The following CTNND2 variants were observed in gnomAD, a reference collection of about 807,000 sequenced individuals.
CTNND2 encodes the protein catenin delta 2, also known as catenin delta-2.
Under a neutral mutation model 144.4 loss-of-function variants are expected in CTNND2, and 22 were observed. The ratio of observed to expected loss-of-function variants is 0.15; its 90% CI spans 0.11 to 0.22. The LOEUF (loss-of-function observed/expected upper bound fraction) is 0.22, where lower values mean the gene tolerates loss of function less well. Ranked by LOEUF, CTNND2 falls within the 10% of genes least tolerant of loss-of-function variation. CTNND2 has a pLI of 1.00. For missense variants in CTNND2, 1,353 were observed against 1,618.8 expected (o/e 0.84, Z 2.82); for synonymous variants, 751 against 695.6 (o/e 1.08, Z -1.25).
intron 9 of CTNND2, among the ~76,000 whole-genome samples, chr5:11,243,120 A>G (rs998595896): frequency 6.6e-6 from 1 of 152,252 alleles, no homozygotes; most frequent in African/African-American, 2.4e-5. Flanking sequence ...TTATTTGAAG[A>G]ACTCTTAGTG....
chr5:11,758,538 T>A (rs558595658), intron 1 of CTNND2, among the ~76,000 whole-genome samples: 1 of 152,132 alleles, frequency 6.6e-6, no homozygotes, highest in African/African-American at 2.4e-5. Context: ...CATCATATAG[T>A]ACCTTTTTAA....
chr5:11,902,012 A>G (rs144242263), intron 1 of CTNND2, among the ~76,000 whole-genome samples: 85 of 152,342 alleles, frequency 5.6e-4, no homozygotes, highest in African/African-American at 1.9e-3. Context: ...AATAAGGTGA[A>G]ACTAAAGCAA....
intron 16 of CTNND2, among the ~76,000 whole-genome samples, chr5:11,053,190 C>T (rs1284963723): frequency 6.6e-6 from 1 of 152,192 alleles, no homozygotes; most frequent in South Asian, 2.1e-4. Flanking sequence ...GTGCTTTTCT[C>T]TTTTCTTTTC....
chr5:11,312,816 T>C lies in CTNND2; in HGVS notation c.1628+33556A>G, dbSNP rs541835193. On this transcript the variant is annotated intron_variant, in intron 9 of 21. Transcript: ENST00000304623. The stretch of plus-strand genomic sequence containing the variant: ...AGCCAGCCATACGTCCCTGGACAAC[T>C]TGTCCTTTTCACATATCTGTATATT... 2.0e-5 allele frequency among the ~76,000 whole-genome samples: 3 copies of C among 149,284 alleles called. No homozygotes were observed. In the South Asian group the frequency reaches 6.4e-4, roughly 32 times the overall value.
At chr5:11,692,138 C>T (rs1453496979) in intron 2 of CTNND2, among the ~76,000 whole-genome samples, 1 of 152,200 alleles carries the variant, frequency 6.6e-6, no homozygotes, top group African/African-American at 2.4e-5. Flanking sequence ...CACTATTTTG[C>T]AGCAGCTGCA....
intron 3 of CTNND2, among the ~76,000 whole-genome samples, chr5:11,438,635 T>C (rs944113283): frequency 1.3e-5 from 2 of 152,260 alleles, no homozygotes; most frequent in African/African-American, 4.8e-5. Flanking sequence ...TTAATCTTCA[T>C]GATCTACAGT....
At chr5:11,816,024 T>C (rs1009447613) in intron 1 of CTNND2, among the ~76,000 whole-genome samples, 2 of 151,876 alleles carry the variant, frequency 1.3e-5, no homozygotes, top group African/African-American at 2.4e-5. Flanking sequence ...AGCCCACGAG[T>C]GTACCCTGGT....
Position 11,878,578 on chromosome 5 carries a change from C to T in CTNND2, c.37+25239G>A, listed in dbSNP as rs146247519. 3.3e-5 allele frequency among the ~76,000 whole-genome samples: 5 copies of T among 152,352 alleles called. No individual in the cohort carries two copies. The East Asian group carries it at 9.6e-4, about 29-fold the overall frequency. On this transcript the variant is annotated intron_variant, in intron 1 of 21. Coordinates refer to ENST00000304623, the MANE Select transcript of CTNND2 (RefSeq NM_001332.4). ...CCAGAAACCTGTTCTAAGGCTTGAA[C>T]AGCTGGGAAAGTGACTAGATGTTAT...
At chr5:11,001,341 T>A (rs2149513238) in intron 18 of CTNND2, among the ~76,000 whole-genome samples, 1 of 152,250 alleles carries the variant, frequency 6.6e-6, no homozygotes, top group East Asian at 1.9e-4. Flanking sequence ...ATGCAACCAG[T>A]TTTCTTTCCA....
intron 18 of CTNND2, among the ~76,000 whole-genome samples, chr5:10,995,902 T>C (rs1739289362): frequency 6.6e-6 from 1 of 151,826 alleles, no homozygotes; most frequent in African/African-American, 2.4e-5. Flanking sequence ...CATTTTCTTA[T>C]GGAAAATGAG....
At chr5:11,076,630 T>C (rs61750292) in intron 16 of CTNND2, among the ~76,000 whole-genome samples, 1 of 152,316 alleles carries the variant, frequency 6.6e-6, no homozygotes, top group East Asian at 1.9e-4. Context: ...CTTATTGCTG[T>C]TTCCCAGAGA....
At chr5:11,626,951 G>A (rs563498889) in intron 2 of CTNND2, among the ~76,000 whole-genome samples, 7 of 152,050 alleles carry the variant, frequency 4.6e-5, no homozygotes, top group Non-Finnish European at 1.0e-4. Flanking sequence ...CACTCTTTCT[G>A]CTAAAAGTGA....
intron 3 of CTNND2, among the ~76,000 whole-genome samples, chr5:11,457,999 A>T (rs756674562): frequency 6.6e-6 from 1 of 152,204 alleles, no homozygotes; most frequent in Non-Finnish European, 1.5e-5. Context: ...TCTGCCACTT[A>T]CTAGCTGAGC....
intron 6 of CTNND2, among the ~76,000 whole-genome samples, chr5:11,395,078 G>T (rs1398255327): frequency 6.6e-6 from 1 of 152,098 alleles, no homozygotes; most frequent in Non-Finnish European, 1.5e-5. Flanking sequence ...TCAGAATTTT[G>T]AAAAGAAAAG....
intron 1 of CTNND2, among the ~76,000 whole-genome samples, chr5:11,883,199 T>C (rs1251218779): frequency 6.6e-6 from 1 of 152,212 alleles, no homozygotes; most frequent in Non-Finnish European, 1.5e-5. Context: ...TATTTTATTA[T>C]ACTTCAAGTT....
intron 12 of CTNND2, among the ~76,000 whole-genome samples, chr5:11,145,023 T>C (rs1364319338): frequency 6.6e-6 from 1 of 152,116 alleles, no homozygotes; most frequent in Non-Finnish European, 1.5e-5. Flanking sequence ...TTTATGTGCA[T>C]GACTGCAGGG....
intron 9 of CTNND2, among the ~76,000 whole-genome samples, chr5:11,322,038 G>T (rs1438529142): frequency 6.6e-6 from 1 of 152,094 alleles, no homozygotes; most frequent in Non-Finnish European, 1.5e-5. Context: ...GTGGTGTCCT[G>T]TTCTATCCCT....
intron 8 of CTNND2, among the ~76,000 whole-genome samples, chr5:11,360,903 T>C (rs1756381087): frequency 6.6e-6 from 1 of 152,216 alleles, no homozygotes; most frequent in African/African-American, 2.4e-5. Context: ...TAGAAGACCA[T>C]TAAGCTCCAC....
At chr5:11,595,673 G>A (rs1779468036) in intron 2 of CTNND2, among the ~76,000 whole-genome samples, 1 of 152,112 alleles carries the variant, frequency 6.6e-6, no homozygotes, top group Non-Finnish European at 1.5e-5. Flanking sequence ...CTCGGTAATA[G>A]TTCAGCTTTA....
Sources: allele counts gnomAD v4.1 joint callset (sites outside exome capture counted in the v4.1 genomes callset), GRCh38; gene constraint gnomAD v4.1.1; transcripts MANE v1.5; gene names NCBI Gene and HGNC (gene_info 2026-07-23, HGNC 2026-07-21).